The following DPP8 variants were observed in gnomAD, a reference collection of about 807,000 sequenced individuals.
DPP8 encodes the protein dipeptidyl peptidase 8.
DPP8 carries 31 observed loss-of-function variants against 107.5 expected under a neutral mutation model. The observed-to-expected ratio is 0.29, with a 90% confidence interval of 0.22 to 0.39. DPP8 has a LOEUF of 0.39. Among genes scored for constraint, DPP8 ranks in the 10% least tolerant of loss-of-function variants. The pLI, the probability that DPP8 is intolerant of heterozygous loss-of-function variation, is 1.00. For missense variants in DPP8, 842 were observed against 1,076.1 expected, an observed-to-expected ratio of 0.78 and a Z score of 3.04; for synonymous variants, 381 against 356.6, an observed-to-expected ratio of 1.07 and a Z score of -0.77.
chr15:65,507,561 G>A (rs978558304), intron 2 of DPP8, among the ~76,000 whole-genome samples: 3 of 150,846 alleles, frequency 2.0e-5, no homozygotes, highest in African/African-American at 7.3e-5. Context: ...CAGTACACAT[G>A]CCTATAATCC....
chr15:65,470,605 C>CAA (rs3082806), intron 12 of DPP8, among the ~76,000 whole-genome samples: 1,827 of 104,780 alleles, frequency 0.017, 42 homozygotes, highest in Middle Eastern at 0.051. Flanking sequence ...AGACTTGTCT[C>CAA]AAAAAAAAAA....
chr15:65,492,417 G>T (rs2140918773), intron 5 of DPP8, among the ~76,000 whole-genome samples: 1 of 152,204 alleles, frequency 6.6e-6, no homozygotes, highest in South Asian at 2.1e-4. Context: ...AATATGGCTG[G>T]TTAGTGTGGT....
At chr15:65,475,910 G>C (rs1425809264) in intron 11 of DPP8, among the ~76,000 whole-genome samples, 1 of 152,006 alleles carries the variant, frequency 6.6e-6, no homozygotes, top group Non-Finnish European at 1.5e-5. Context: ...CACCACACTT[G>C]GTTAATTTTT....
intron 15 of DPP8, among the ~76,000 whole-genome samples, chr15:65,460,716 T>C (rs1417623005): frequency 2.0e-5 from 3 of 152,250 alleles, no homozygotes; most frequent in Non-Finnish European, 4.4e-5. Context: ...GACCACATTT[T>C]GTTTATCCAT....
At position 65,446,544 on chromosome 15, in the gene DPP8, T is replaced by C. The variant is rs980690398; in HGVS notation, c.*340A>G. The C allele has an allele frequency of 2.0e-5, 3 of 153,188 alleles. No homozygotes were observed. The highest frequency in any genetic ancestry group is 7.3e-5 in the African/African-American group (3 of 41,062). 9.5% of individuals were successfully genotyped at this position (153,188 alleles called of 1,614,324 possible). A position where few individuals can be genotyped will look rare whatever the true frequency, so the allele number is the denominator to read the frequency against. ...TCAAAAGTATACTGTAAAAATACACTAATTAAGTTCATGAAGTTTATAATA... is the reference window on the plus strand; with the variant it reads ...TCAAAAGTATACTGTAAAAATACACCAATTAAGTTCATGAAGTTTATAATA... On this transcript the variant is annotated 3_prime_UTR_variant, in exon 20 of 20. Coordinates refer to ENST00000300141, the MANE Select transcript of DPP8 (RefSeq NM_130434.5).
intron 3 of DPP8, among the ~76,000 whole-genome samples, chr15:65,504,017 T>C (rs2069596853): frequency 6.6e-6 from 1 of 151,504 alleles, no homozygotes; most frequent in African/African-American, 2.4e-5. Context: ...CCTCCTTGGC[T>C]TCCCAAAGTG....
At chr15:65,465,184 T>G (rs77944602) in intron 14 of DPP8, among the ~76,000 whole-genome samples, 1 of 151,424 alleles carries the variant, frequency 6.6e-6, no homozygotes, top group East Asian at 1.9e-4. Context: ...TTTTTTTTTT[T>G]TGAGACAGAG....
In DPP8 at chr15:65,454,363, C is replaced by T. The variant is rs763416291; in HGVS notation, c.2171G>A (p.Arg724Gln). The change falls in exon 17 of 20, where the codon CGA (arginine) becomes CAA (glutamine). Residue 724 changes from arginine (R) to glutamine (Q), a missense_variant. This residue lies in a region of DPP8 where 179 missense variants were observed against 318.0 expected (regional missense o/e 0.56). Transcript: ENST00000300141. The part of the protein sequence containing the change: ...QVEGLQYLAS[R>Q]YDFIDLDRVG... ...ACGATCTAAGTCAATGAAATCATAT[C>T]GAGAAGCTAGATATTGGAGTCCTTC... 1.1e-5 allele frequency: 17 copies of T among 1,604,348 alleles called. No individual in the cohort carries two copies. The highest frequency in any genetic ancestry group is 8.6e-5 in the Admixed American group (5 of 57,958).
chr15:65,515,315 C>T (rs1006222405), intron 1 of DPP8, among the ~76,000 whole-genome samples: 3 of 152,260 alleles, frequency 2.0e-5, no homozygotes, highest in Admixed American at 6.5e-5. Context: ...ATTCCTGAAT[C>T]GTACTAAGCC....
chr15:65,463,832 G>A lies in DPP8; in HGVS notation c.1900C>T (p.Leu634Phe), dbSNP rs369179039. ...STTGFTLYGM[L>F]YKPHDLQPGK... is the part of the protein sequence containing the mutation. The stretch of plus-strand genomic sequence containing the variant: ...GGCTGTAGATCATGAGGCTTGTAGA[G>A]CATCCCATACAATGTAAATCCAGTA... The change falls in exon 15 of 20, where the codon CTC (leucine) becomes TTC (phenylalanine). Residue 634 changes from leucine (L) to phenylalanine (F), a missense_variant. Physicochemically the swap from Leu to Phe is conservative, Grantham distance 22 (BLOSUM62 0). Coordinates refer to ENST00000300141, the MANE Select transcript of DPP8 (RefSeq NM_130434.5). 1.6e-5 allele frequency: 26 copies of A among 1,609,948 alleles called. No homozygotes were observed. Among genetic ancestry groups the A allele is most frequent in the Non-Finnish European group, 2.2e-5 (26 of 1,177,768 alleles).
chr15:65,443,325 T>C lies in DPP8; in HGVS notation c.*3559A>G, dbSNP rs982900414. ...TCCTCCTCTCTCTCTAGCATGTAGG[T>C]TGTTCTTCTAACAAATGAGAATATC... is the stretch of plus-strand genomic sequence containing the variant. On this transcript the variant is annotated 3_prime_UTR_variant, in exon 20 of 20. Transcript: ENST00000300141. 1 of 152,164 alleles carries C rather than the reference T, an allele frequency of 6.6e-6. No homozygotes were observed. The highest frequency in any genetic ancestry group is 1.5e-5 in the Non-Finnish European group (1 of 68,042). The allele number at this position is 152,164 out of a possible 1,614,324, so 9.4% of individuals were successfully genotyped here.
In DPP8 at chr15:65,463,586, A is replaced by T. The variant is rs60583942; in HGVS notation, c.1971+175T>A. ...CAGTGATTTACAAATTAAACCTCCA[A>T]CAAAAACCAGTTTCCTGACCCCCTA... On this transcript the variant is annotated intron_variant, in intron 15 of 19. Coordinates refer to ENST00000300141, the MANE Select transcript of DPP8 (RefSeq NM_130434.5). Among the ~76,000 whole-genome samples the T allele has an allele frequency of 7.4e-3, 1,121 of 152,186 alleles. 14 individuals carry two copies. The highest frequency in any genetic ancestry group is 0.025 in the African/African-American group (1,059 of 41,538).
chr15:65,478,186 T>C (rs1209346818), intron 11 of DPP8, among the ~76,000 whole-genome samples: 2 of 152,228 alleles, frequency 1.3e-5, no homozygotes, highest in Non-Finnish European at 2.9e-5. Flanking sequence ...AACTCCAGTG[T>C]AGATGCAGAT....
intron 7 of DPP8, among the ~76,000 whole-genome samples, chr15:65,485,589 G>T (rs1210417106): frequency 6.9e-6 from 1 of 144,234 alleles, no homozygotes; most frequent in Non-Finnish European, 1.5e-5. Flanking sequence ...AGACATAAAT[G>T]AATAGTAATG....
chr15:65,476,382 G>A (rs1211715487), intron 11 of DPP8, among the ~76,000 whole-genome samples: 2 of 151,984 alleles, frequency 1.3e-5, no homozygotes, highest in African/African-American at 4.8e-5. Context: ...AATACTAACT[G>A]TTTTACATTA....
chr15:65,496,144 C>G (rs750483282), intron 5 of DPP8, among the ~76,000 whole-genome samples: 3 of 151,866 alleles, frequency 2.0e-5, no homozygotes, highest in African/African-American at 7.3e-5. Flanking sequence ...CCACCACGCC[C>G]GGCTAATTTT....
At chr15:65,491,051 A>G (rs451282) in intron 5 of DPP8, among the ~76,000 whole-genome samples, 142,281 of 151,392 alleles carry the variant, frequency 0.94, 66,857 homozygotes, top group Admixed American at 0.96. Context: ...TCAGCTACTC[A>G]GGAGTCTGAG....
chr15:65,481,786 C>T, intron 8 of DPP8, among the ~76,000 whole-genome samples, 171 bp from the exon 9 acceptor site: 1 of 152,054 alleles, frequency 6.6e-6, no homozygotes. Flanking sequence ...GTTACCTATA[C>T]TGGTACTTAA....
At chr15:65,505,692 T>C (rs1456286952) in intron 3 of DPP8, among the ~76,000 whole-genome samples, 2 of 152,138 alleles carry the variant, frequency 1.3e-5, no homozygotes, top group Non-Finnish European at 2.9e-5. Flanking sequence ...GGCTCACACC[T>C]GTAATCCCAG....
Sources: allele counts gnomAD v4.1 joint callset (sites outside exome capture counted in the v4.1 genomes callset), GRCh38; gene constraint gnomAD v4.1.1; regional missense constraint gnomAD v4.1.1; transcripts MANE v1.5; gene names NCBI Gene and HGNC (gene_info 2026-07-23, HGNC 2026-07-21).